COL14A1: variants seen among roughly 807,000 people sequenced by gnomAD.
The protein encoded by COL14A1 is collagen alpha-1(XIV) chain.
COL14A1 carries 136 observed loss-of-function variants against 230.3 expected under a neutral mutation model. The observed-to-expected ratio is 0.59, with a 90% CI of 0.51 to 0.68. The LOEUF is 0.68. Ranked by LOEUF, COL14A1 falls within the 30% of genes least tolerant of loss-of-function variation. COL14A1 has a pLI of 0.00. For synonymous variants in COL14A1, 792 were observed against 784.1 expected (o/e 1.01, Z -0.17); for missense variants, 1,976 against 2,215.8 (o/e 0.89, Z 2.17).
intron 40 of COL14A1, among the ~76,000 whole-genome samples, chr8:120,324,742 C>T (rs889506813): frequency 7.9e-5 from 12 of 152,092 alleles, no homozygotes; most frequent in Non-Finnish European, 1.8e-4. Flanking sequence ...AGTATCATGA[C>T]CTACCATTGT....
rs754150147 is a variant in COL14A1 at position 120,244,027 on chromosome 8, C to T, written c.2479+19C>T. 6 of 1,607,344 alleles carry T rather than the reference C, an allele frequency of 3.7e-6. No homozygotes were observed. In the South Asian group the frequency reaches 6.7e-5, roughly 18 times the overall value. On this transcript the variant is annotated intron_variant, in intron 20 of 47. Transcript: ENST00000297848. Reference sequence around the variant, plus strand: ...AAAACCTGTAAGTGAAGCTTTCTCCCTTTGAATACAAGCCGACTCATTAAA... The same window carrying T: ...AAAACCTGTAAGTGAAGCTTTCTCCTTTTGAATACAAGCCGACTCATTAAA...
chr8:120,143,698 A>G (rs1012887625), intron 1 of COL14A1, among the ~76,000 whole-genome samples: 2 of 152,130 alleles, frequency 1.3e-5, no homozygotes, highest in African/African-American at 2.4e-5. Context: ...TTTTTAAAGC[A>G]TTCAAGGGGG....
intron 5 of COL14A1, among the ~76,000 whole-genome samples, chr8:120,196,564 C>T (rs1260098834): frequency 6.6e-6 from 1 of 152,136 alleles, no homozygotes; most frequent in Non-Finnish European, 1.5e-5. Flanking sequence ...ATGGTGTGAA[C>T]CTGCCCAGTA....
chr8:120,211,192 G>A (rs989436753), intron 12 of COL14A1, among the ~76,000 whole-genome samples: 1 of 152,086 alleles, frequency 6.6e-6, no homozygotes, highest in Non-Finnish European at 1.5e-5. Flanking sequence ...CATCTTGCAA[G>A]CATTTTTCAA....
Position 120,199,431 on chromosome 8 carries a change from A to G in COL14A1, c.742A>G (p.Ser248Gly). ...TGCTTTGAACTACATTTTTGAAAAT[A>G]GCTTCAAACCAGAAGCAGGATCAAG... ...GLALNYIFEN[S>G]FKPEAGSRTG... The change falls in exon 8 of 48, where the codon AGC becomes GGC. Residue 248 changes from serine to glycine, a missense_variant. Ser to Gly is a moderately conservative substitution (Grantham distance 56, BLOSUM62 0). Coordinates refer to ENST00000297848, the MANE Select transcript of COL14A1 (RefSeq NM_021110.4). 1 of 1,603,798 alleles carries G rather than the reference A, an allele frequency of 6.2e-7. No individual in the cohort carries two copies.
In COL14A1 at chr8:120,317,358, A is replaced by T. The variant is rs143069634; in HGVS notation, c.4659+1361A>T. ...CTTCTACATCCCCCCCTTTTTTTTA[A>T]CACCAAACTTTTGTTTGCCTAAAAT... is the stretch of plus-strand genomic sequence containing the variant. On this transcript the variant is annotated intron_variant, in intron 40 of 47. Coordinates refer to ENST00000297848, the MANE Select transcript of COL14A1 (RefSeq NM_021110.4). Among the ~76,000 whole-genome samples, 335 of 152,140 alleles carry T rather than the reference A, an allele frequency of 2.2e-3. 6 individuals are homozygous for T. Among genetic ancestry groups the T allele is most frequent in the Admixed American group, 0.02 (299 of 15,286 alleles).
At chr8:120,146,778 A>G (rs1349744648) in intron 1 of COL14A1, among the ~76,000 whole-genome samples, 3 of 152,134 alleles carry the variant, frequency 2.0e-5, no homozygotes, top group Non-Finnish European at 2.9e-5. Flanking sequence ...TAGTTGCTTC[A>G]GATCCTTTGT....
At chr8:120,310,364 C>T (rs1820997834) in intron 37 of COL14A1, among the ~76,000 whole-genome samples, 1 of 152,156 alleles carries the variant, frequency 6.6e-6, no homozygotes. Flanking sequence ...TCTTCCTCTA[C>T]CTACAACAAA....
chr8:120,245,942 C>T (rs993595429), intron 20 of COL14A1, among the ~76,000 whole-genome samples: 2 of 152,088 alleles, frequency 1.3e-5, no homozygotes, highest in African/African-American at 2.4e-5. Flanking sequence ...GTCATAGAAC[C>T]CACTCAGATC....
rs577886621 is a variant in COL14A1, at chr8:120,362,969, A to G, written c.5078-4202A>G. Among the ~76,000 whole-genome samples, 19 of 152,332 alleles carry G rather than the reference A, an allele frequency of 1.2e-4. No individual in the cohort carries two copies. The South Asian group carries it at 3.9e-3, about 32-fold the overall frequency. ...TAAAAATTGCAGTACCTCAAACTTC[A>G]TTGGAGCCAATTATATTCATCTCTA... On this transcript the variant is annotated intron_variant, in intron 45 of 47. Transcript: ENST00000297848.
chr8:120,191,554 A>G (rs553606042), intron 5 of COL14A1, among the ~76,000 whole-genome samples: 70 of 151,860 alleles, frequency 4.6e-4, no homozygotes, highest in African/African-American at 1.7e-3. Flanking sequence ...GTAGATGTCT[A>G]TTAGGTCCAC....
At chr8:120,157,552 C>T (rs953447248) in intron 2 of COL14A1, among the ~76,000 whole-genome samples, 4 of 152,218 alleles carry the variant, frequency 2.6e-5, no homozygotes, top group East Asian at 1.9e-4. Flanking sequence ...TAGAGTATTA[C>T]ATTCTAACAC....
At chr8:120,185,851 C>T (rs1253636930) in intron 5 of COL14A1, among the ~76,000 whole-genome samples, 4 of 152,160 alleles carry the variant, frequency 2.6e-5, no homozygotes, top group African/African-American at 9.7e-5. Context: ...TGGCTCACTG[C>T]AACCTCTGCC....
intron 2 of COL14A1, among the ~76,000 whole-genome samples, chr8:120,150,455 A>T (rs1054326401): frequency 1.3e-5 from 2 of 152,210 alleles, no homozygotes; most frequent in Non-Finnish European, 2.9e-5. Flanking sequence ...TCTGCTGATT[A>T]TAAGTGGAGA....
rs1225333535 is a variant in COL14A1, at chr8:120,255,326, G to A, written c.2839G>A (p.Ala947Thr). 3 of 1,613,790 alleles carry A rather than the reference G, an allele frequency of 1.9e-6. No homozygotes were observed. The East Asian group carries it at 6.7e-5, about 36-fold the overall frequency. The change falls in exon 23 of 48, where the codon GCC becomes ACC. Residue 947 changes from alanine to threonine, a missense_variant. Around this residue, in one of 3 missense-constraint regions of COL14A1, gnomAD observed 1,791 missense variants for 2,019.5 expected, o/e 0.89. Transcript: ENST00000297848. ...AHWQVHRHAT[A>T]YRVVIESLQD... The stretch of plus-strand genomic sequence containing the variant: ...CTGGCAGGTACATCGCCATGCCACA[G>A]CCTATAGGGTTGTTATAGAATCCCT...
rs538774899 is a variant in COL14A1 at position 120,151,385 on chromosome 8, A to T, written c.88+3455A>T. On this transcript the variant is annotated intron_variant, in intron 2 of 47. Coordinates refer to ENST00000297848, the MANE Select transcript of COL14A1 (RefSeq NM_021110.4). ...AAATAGTCTGGTGGCTCACGTCTAT[A>T]ATCCCAGCACTTTGGGAGGCTAAGG... 4.2e-3 allele frequency among the ~76,000 whole-genome samples: 642 copies of T among 152,280 alleles called. 2 individuals carry two copies. The highest frequency in any genetic ancestry group is 7.7e-3 in the Non-Finnish European group (526 of 68,010).
intron 26 of COL14A1, among the ~76,000 whole-genome samples, chr8:120,270,535 T>A (rs1268061857): frequency 2.0e-5 from 3 of 151,814 alleles, no homozygotes; most frequent in Non-Finnish European, 2.9e-5. Flanking sequence ...CACCTTACTA[T>A]AGATCATGTG....
chr8:120,328,244 G>GT (rs1000990899), intron 40 of COL14A1, among the ~76,000 whole-genome samples: 7 of 151,800 alleles, frequency 4.6e-5, no homozygotes, highest in Middle Eastern at 3.2e-3. Context: ...TGCTTTATTT[G>GT]TTTTTTTGAG....
chr8:120,296,425 T>G (rs1195295017), intron 34 of COL14A1, among the ~76,000 whole-genome samples: 2 of 151,912 alleles, frequency 1.3e-5, no homozygotes, highest in Non-Finnish European at 2.9e-5. Context: ...TTTAATAACA[T>G]GTTTCAATAG....
Sources: allele counts gnomAD v4.1 joint callset (sites outside exome capture counted in the v4.1 genomes callset), GRCh38; gene constraint gnomAD v4.1.1; regional missense constraint gnomAD v4.1.1; transcripts MANE v1.5; gene names NCBI Gene and HGNC (gene_info 2026-07-23, HGNC 2026-07-21).